CTIF: variants seen among roughly 807,000 people sequenced by gnomAD.
CTIF encodes cap binding complex dependent translation initiation factor, also known as CBP80/20-dependent translation initiation factor.
A neutral mutation model predicts 66.0 loss-of-function variants in CTIF; 21 were observed. The observed-to-expected ratio is 0.32, with a 90% confidence interval of 0.23 to 0.46. The LOEUF is 0.46. Ranked by LOEUF, CTIF falls within the 20% of genes least tolerant of loss-of-function variation. The pLI, the probability that CTIF is intolerant of heterozygous loss-of-function variation, is 1.00. For missense variants in CTIF, 739 were observed against 812.7 expected (o/e 0.91, Z 1.10); for synonymous variants, 345 against 326.4 (o/e 1.06, Z -0.62).
chr18:48,832,149 C>CA (rs2068705475), intron 10 of CTIF, among the ~76,000 whole-genome samples: 1 of 148,488 alleles, frequency 6.7e-6, no homozygotes, highest in African/African-American at 2.5e-5. Context: ...GAGCTCCCTG[C>CA]AGGGTCTGGA....
At chr18:48,607,625 C>T (rs548497758) in intron 1 of CTIF, among the ~76,000 whole-genome samples, 33 of 152,308 alleles carry the variant, frequency 2.2e-4, no homozygotes, top group African/African-American at 4.6e-4. Flanking sequence ...TCCTCAGCCT[C>T]CAGGAGCTCA....
intron 3 of CTIF, among the ~76,000 whole-genome samples, chr18:48,650,026 C>T (rs761725996): frequency 1.4e-4 from 21 of 152,310 alleles, no homozygotes; most frequent in Non-Finnish European, 2.4e-4. Flanking sequence ...AGGGAGAAAC[C>T]AGAGCAGAAA....
At chr18:48,842,992 A>G (rs1326020358) in intron 10 of CTIF, among the ~76,000 whole-genome samples, 1 of 151,928 alleles carries the variant, frequency 6.6e-6, no homozygotes. Flanking sequence ...CCCCTGCCCT[A>G]CCCTTCTGCT....
chr18:48,836,138 C>A (rs1031570491), intron 10 of CTIF, among the ~76,000 whole-genome samples: 1 of 151,972 alleles, frequency 6.6e-6, no homozygotes, highest in Non-Finnish European at 1.5e-5. Context: ...CCTCCCTCCT[C>A]CCCCAGCAGC....
At chr18:48,581,818 G>A (rs546328640) in intron 1 of CTIF, among the ~76,000 whole-genome samples, 99 of 152,240 alleles carry the variant, frequency 6.5e-4, no homozygotes, top group Admixed American at 1.1e-3. Context: ...GACAGCAGAC[G>A]GGAAGGAGTT....
At chr18:48,549,259 T>C (rs1482050066) in intron 1 of CTIF, among the ~76,000 whole-genome samples, 2 of 152,140 alleles carry the variant, frequency 1.3e-5, no homozygotes, top group African/African-American at 4.8e-5. Flanking sequence ...GGGACTGAAC[T>C]CAGAATTCAG....
chr18:48,597,572 C>A (rs1389903321), intron 1 of CTIF, among the ~76,000 whole-genome samples: 1 of 148,584 alleles, frequency 6.7e-6, no homozygotes, highest in Non-Finnish European at 1.5e-5. Context: ...CCGCCCCACC[C>A]CTGCCTTGCT....
intron 9 of CTIF, 74 bp from the exon 10 acceptor site, chr18:48,817,147 C>T: frequency 2.2e-5 from 32 of 1,459,296 alleles, no homozygotes; most frequent in Non-Finnish European, 2.9e-5. Flanking sequence ...ACAACAGATG[C>T]TCTGCACAGC....
At chr18:48,755,450 G>C (rs906153419) in intron 7 of CTIF, among the ~76,000 whole-genome samples, 2 of 152,194 alleles carry the variant, frequency 1.3e-5, no homozygotes, top group African/African-American at 2.4e-5. Flanking sequence ...CTGGGTAGTC[G>C]GAAGGCCAGT....
At chr18:48,561,581 C>T (rs1327614865) in intron 1 of CTIF, among the ~76,000 whole-genome samples, 1 of 152,198 alleles carries the variant, frequency 6.6e-6, no homozygotes, top group Non-Finnish European at 1.5e-5. Flanking sequence ...TCAGGGGACA[C>T]TCCATCCCTG....
chr18:48,713,917 G>T (rs1457572385), intron 7 of CTIF, among the ~76,000 whole-genome samples: 2 of 152,204 alleles, frequency 1.3e-5, no homozygotes, highest in Non-Finnish European at 2.9e-5. Context: ...TGCTCGTCGG[G>T]GCGCCCCGCT....
At chr18:48,625,216 A>G (rs2090572668) in intron 2 of CTIF, 1 of 985,090 alleles carries the variant, frequency 1.0e-6, no homozygotes, top group African/African-American at 1.7e-5. Flanking sequence ...TGGACCACCC[A>G]TGAAAGGCTT....
At chr18:48,568,473 C>T (rs2089326306) in intron 1 of CTIF, 1 of 151,804 alleles carries the variant, frequency 6.6e-6, no homozygotes, top group South Asian at 2.1e-4. Flanking sequence ...TGTGCCTGGG[C>T]TGCCATGACA....
intron 9 of CTIF, among the ~76,000 whole-genome samples, chr18:48,784,466 C>T (rs572883043): frequency 1.3e-5 from 2 of 152,176 alleles, no homozygotes; most frequent in South Asian, 2.1e-4. Context: ...TTGGGAGGGG[C>T]ACTGTTTGCC....
At chr18:48,840,063 T>C (rs1257567201) in intron 10 of CTIF, among the ~76,000 whole-genome samples, 1 of 151,792 alleles carries the variant, frequency 6.6e-6, no homozygotes, top group African/African-American at 2.4e-5. Flanking sequence ...GAGTGGTGAG[T>C]CTTCTGGCTA....
At chr18:48,851,665 C>A (rs371784372) in intron 10 of CTIF, among the ~76,000 whole-genome samples, 1 of 152,148 alleles carries the variant, frequency 6.6e-6, no homozygotes, top group African/African-American at 2.4e-5. Flanking sequence ...CTTCCCTCCC[C>A]GGGAGAAGCA....
chr18:48,727,070 G>GCACACACA (rs35188197), intron 7 of CTIF, among the ~76,000 whole-genome samples: 1,919 of 144,562 alleles, frequency 0.013, 43 homozygotes, highest in African/African-American at 0.041. Flanking sequence ...CAAGTTAGCT[G>GCACACACA]CACACACACA....
At chr18:48,628,984 C>T (rs182782860) in intron 2 of CTIF, among the ~76,000 whole-genome samples, 59 of 152,340 alleles carry the variant, frequency 3.9e-4, no homozygotes, top group African/African-American at 1.1e-3. Context: ...AGGAAGATGT[C>T]ATGCACACTC....
chr18:48,824,068 A>G (rs1478651907), intron 10 of CTIF, among the ~76,000 whole-genome samples: 2 of 152,128 alleles, frequency 1.3e-5, no homozygotes, highest in African/African-American at 4.8e-5. Flanking sequence ...CATAATCAAC[A>G]TACAAAAATC....
Sources: allele counts gnomAD v4.1 joint callset (sites outside exome capture counted in the v4.1 genomes callset), GRCh38; gene constraint gnomAD v4.1.1; transcripts MANE v1.5; gene names NCBI Gene and HGNC (gene_info 2026-07-23, HGNC 2026-07-21).